Variants in BCCIP observed in about 807,000 individuals in gnomAD.
The protein encoded by BCCIP is BRCA2 and CDKN1A-interacting protein.
A neutral mutation model predicts 32.8 loss-of-function variants in BCCIP; 23 were observed. The observed-to-expected ratio is 0.70, with a 90% confidence interval of 0.51 to 0.99. The LOEUF (loss-of-function observed/expected upper bound fraction) is 0.99, where lower values mean the gene tolerates loss of function less well. Ranked by LOEUF, BCCIP falls within the 50% of genes least tolerant of loss-of-function variation. The probability of loss-of-function intolerance (pLI) is 0.00; values close to 1 mark genes in which losing one functional copy is unlikely to be tolerated. For missense variants in BCCIP, 378 were observed against 379.8 expected, an observed-to-expected ratio of 1.00 and a Z score of 0.04; for synonymous variants, 144 against 137.6, an observed-to-expected ratio of 1.05 and a Z score of -0.33.
intron 7 of BCCIP, among the ~76,000 whole-genome samples, chr10:125,848,269 G>T (rs141825439): frequency 2.0e-3 from 304 of 152,240 alleles, no homozygotes; most frequent in African/African-American, 7.0e-3. Context: ...GGGAGGAAAG[G>T]CTTCTGCTTC....
chr10:125,841,777 T>A, exon 7 of BCCIP: 1 of 1,612,756 alleles, frequency 6.2e-7, no homozygotes, highest in Non-Finnish European at 8.5e-7. Flanking sequence ...GCACTTCATC[T>A]ACACAGTCAA....
intron 5 of BCCIP, among the ~76,000 whole-genome samples, chr10:125,831,874 C>A (rs1398292299): frequency 6.6e-6 from 1 of 152,040 alleles, no homozygotes. Flanking sequence ...ACTTTGCATC[C>A]CCATTTGATT....
intron 3 of BCCIP, among the ~76,000 whole-genome samples, chr10:125,827,842 C>T (rs951944628): frequency 6.6e-6 from 1 of 151,956 alleles, no homozygotes; most frequent in Non-Finnish European, 1.5e-5. Flanking sequence ...CATAGTAGCA[C>T]ATGCCTGTAG....
At chr10:125,842,801 A>C in exon 7 of BCCIP, 1 of 951,598 alleles carries the variant, frequency 1.1e-6, no homozygotes, top group South Asian at 4.9e-5. Context: ...TAAAGATAGC[A>C]AGCTGATTCT....
In BCCIP at chr10:125,823,571, C is replaced by G. The variant is rs779873769; in HGVS notation, c.14C>G (p.Ser5Cys). Residue 5 changes from serine to cysteine, a missense_variant, in exon 1 of 7, where the codon TCT (serine) becomes TGT (cysteine). By Grantham distance (112) the Ser-to-Cys change is moderately radical. Coordinates refer to ENST00000278100, the MANE Select transcript of BCCIP (RefSeq NM_078468.3). ...GTGAGCGGCAACATGGCGTCCAGGTCTAAGCGGCGTGCCGTGGAAAGTGGG... is the reference window on the plus strand; with the variant it reads ...GTGAGCGGCAACATGGCGTCCAGGTGTAAGCGGCGTGCCGTGGAAAGTGGG... MASR[S>C]KRRAVESGVP... 8 of 1,613,840 alleles carry G rather than the reference C, an allele frequency of 5.0e-6. No individual in the cohort carries two copies. Among genetic ancestry groups the G allele is most frequent in the Admixed American group, 1.7e-5 (1 of 60,010 alleles).
At position 125,835,100 on chromosome 10, in the gene BCCIP, T is replaced by A. The variant is rs562949650; in HGVS notation, c.775-1004T>A. Among the ~76,000 whole-genome samples the A allele has an allele frequency of 1.1e-3, 162 of 151,318 alleles. 1 individual carries two copies. The highest frequency in any genetic ancestry group is 2.0e-3 in the Non-Finnish European group (136 of 67,836). The stretch of plus-strand genomic sequence containing the variant: ...GTGAGCCGAGATTGCGCCACTGCAC[T>A]CCAGCCTGGGCGACAGAGCGAGACT... On this transcript the variant is annotated intron_variant, in intron 6 of 6. Transcript: ENST00000278100.
At chr10:125,853,134 G>A (rs772723911) in exon 8 of BCCIP, 8 of 1,607,676 alleles carry the variant, frequency 5.0e-6, no homozygotes, top group Admixed American at 3.4e-5. Context: ...GGTGGTTCAC[G>A]GGGGCAAGTG....
exon 7 of BCCIP, chr10:125,841,565 T>C (rs1854881120): frequency 7.0e-7 from 1 of 1,429,990 alleles, no homozygotes; most frequent in South Asian, 1.6e-5. Context: ...TTTTTCATAT[T>C]AAGAAAATTT....
At chr10:125,838,286 C>T, downstream of BCCIP, 1 of 1,613,926 alleles carries the variant, frequency 6.2e-7, no homozygotes, top group East Asian at 2.2e-5. Flanking sequence ...CCCACTCTGG[C>T]ATCTTCTTGG....
intron 5 of BCCIP, 28 bp from the exon 6 acceptor site, chr10:125,833,744 A>G: frequency 6.2e-7 from 1 of 1,610,220 alleles, no homozygotes; most frequent in Non-Finnish European, 8.5e-7. Flanking sequence ...CCCAGCAGGT[A>G]AACAAATGTT....
chr10:125,828,269 A>C (rs766917012), intron 3 of BCCIP, among the ~76,000 whole-genome samples: 3 of 152,134 alleles, frequency 2.0e-5, no homozygotes, highest in Admixed American at 6.5e-5. Context: ...AGGAAGGTCA[A>C]ATTAGGAGGG....
chr10:125,840,521 G>C (rs1179382181), downstream of BCCIP, among the ~76,000 whole-genome samples: 1 of 152,238 alleles, frequency 6.6e-6, no homozygotes, highest in East Asian at 1.9e-4. Flanking sequence ...GGCTGTTCTT[G>C]TCTTCCTCCA....
At chr10:125,839,467 T>C (rs1391941490), downstream of BCCIP, among the ~76,000 whole-genome samples, 2 of 152,182 alleles carry the variant, frequency 1.3e-5, no homozygotes, top group African/African-American at 4.8e-5. Context: ...TTCCTAGTGG[T>C]GACTGAAGAT....
At chr10:125,831,336 T>C (rs1463573774) in intron 4 of BCCIP, 84 bp from the exon 5 acceptor site, 3 of 1,374,504 alleles carry the variant, frequency 2.2e-6, no homozygotes, top group Non-Finnish European at 3.0e-6. Context: ...AGCTGTAAGA[T>C]GAAAAGTGAT....
chr10:125,851,924 A>G (rs1170305326), intron 7 of BCCIP, among the ~76,000 whole-genome samples: 3 of 148,386 alleles, frequency 2.0e-5, no homozygotes, highest in Non-Finnish European at 4.5e-5. Flanking sequence ...CTGTCTCAAA[A>G]AAAAAAAAAA....
downstream of BCCIP, among the ~76,000 whole-genome samples, chr10:125,840,107 T>G (rs1170730842): frequency 6.6e-6 from 1 of 152,220 alleles, no homozygotes; most frequent in East Asian, 1.9e-4. Context: ...TAAAAGATGC[T>G]TCATGGAAAA....
chr10:125,826,803 C>A, intron 2 of BCCIP, 138 bp downstream of exon 2: 1 of 1,400,074 alleles, frequency 7.1e-7, no homozygotes. Flanking sequence ...AGTTTGAGAC[C>A]AGCCTGGGCA....
chr10:125,843,002 CA>C (rs1854923662), downstream of BCCIP, among the ~76,000 whole-genome samples: 1 of 151,604 alleles, frequency 6.6e-6, no homozygotes, highest in African/African-American at 2.4e-5. Context: ...TGGCAAAAAC[CA>C]CAATTATTTT....
chr10:125,846,435 C>A, downstream of BCCIP, among the ~76,000 whole-genome samples: 1 of 152,186 alleles, frequency 6.6e-6, no homozygotes, highest in Non-Finnish European at 1.5e-5. Flanking sequence ...GGTGTTGGTT[C>A]ATGATTTCCT....
Sources: allele counts gnomAD v4.1 joint callset (sites outside exome capture counted in the v4.1 genomes callset), GRCh38; gene constraint gnomAD v4.1.1; transcripts MANE v1.5; gene names NCBI Gene and HGNC (gene_info 2026-07-23, HGNC 2026-07-21).